The following EVI5 variants were observed in gnomAD, a reference collection of about 807,000 sequenced individuals.
The protein encoded by EVI5 is ecotropic viral integration site 5 protein homolog.
A neutral mutation model predicts 112.0 loss-of-function variants in EVI5; 73 were observed. That is an observed-to-expected ratio of 0.65 (90% CI 0.54 to 0.79). The LOEUF is 0.79. Among genes scored for constraint, EVI5 ranks in the 30% least tolerant of loss-of-function variants. EVI5 has a pLI of 0.00. For missense variants in EVI5, 900 were observed against 968.8 expected (o/e 0.93, Z 0.94); for synonymous variants, 305 against 319.9 (o/e 0.95, Z 0.50).
At chr1:92,740,458 T>C (rs1432065708) in intron 1 of EVI5, among the ~76,000 whole-genome samples, 1 of 152,184 alleles carries the variant, frequency 6.6e-6, no homozygotes, top group East Asian at 1.9e-4. Flanking sequence ...TTCTTTTCTT[T>C]TCTGGTTTCT....
intron 1 of EVI5, among the ~76,000 whole-genome samples, chr1:92,761,262 A>G (rs1681834492): frequency 6.6e-6 from 1 of 152,146 alleles, no homozygotes; most frequent in Admixed American, 6.5e-5. Flanking sequence ...ATTATATCTC[A>G]GGGATCATTA....
intron 1 of EVI5, among the ~76,000 whole-genome samples, chr1:92,739,155 C>A (rs1202494312): frequency 6.6e-6 from 1 of 151,100 alleles, no homozygotes; most frequent in African/African-American, 2.4e-5. Flanking sequence ...CGCCTGTAAT[C>A]CCAGCTACTC....
At chr1:92,752,260 C>T (rs1027777195) in intron 1 of EVI5, among the ~76,000 whole-genome samples, 1 of 151,996 alleles carries the variant, frequency 6.6e-6, no homozygotes, top group Non-Finnish European at 1.5e-5. Context: ...CTACAGCCTC[C>T]GCCTCTTGGG....
chr1:92,700,329 A>C (rs945851678), intron 5 of EVI5, among the ~76,000 whole-genome samples: 6 of 152,340 alleles, frequency 3.9e-5, no homozygotes, highest in South Asian at 2.1e-4. Flanking sequence ...GTATGTACTA[A>C]TTTTGCAAAT....
chr1:92,544,264 T>G (rs958007780), intron 19 of EVI5, among the ~76,000 whole-genome samples: 9 of 152,186 alleles, frequency 5.9e-5, no homozygotes, highest in Non-Finnish European at 1.2e-4. Flanking sequence ...ACTGTGATGA[T>G]AGCTGCATAA....
At chr1:92,755,481 T>C (rs1221090150) in intron 1 of EVI5, among the ~76,000 whole-genome samples, 1 of 152,218 alleles carries the variant, frequency 6.6e-6, no homozygotes, top group African/African-American at 2.4e-5. Flanking sequence ...GAAATTAGTA[T>C]TTTTAAAGAC....
At chr1:92,620,768 C>A (rs1654369835) in intron 16 of EVI5, among the ~76,000 whole-genome samples, 1 of 151,966 alleles carries the variant, frequency 6.6e-6, no homozygotes, top group Non-Finnish European at 1.5e-5. Context: ...AGATAAGATA[C>A]CAGACAGAAA....
At chr1:92,579,030 TTTTGA>T (rs1198601118) in intron 18 of EVI5, among the ~76,000 whole-genome samples, 1 of 152,124 alleles carries the variant, frequency 6.6e-6, no homozygotes, top group Non-Finnish European at 1.5e-5. Context: ...AAAATCAGGA[TTTTGA>T]TTTGAGACAG....
chr1:92,780,730 C>T (rs1464885445), intron 1 of EVI5, among the ~76,000 whole-genome samples: 4 of 151,922 alleles, frequency 2.6e-5, no homozygotes, highest in Non-Finnish European at 4.4e-5. Flanking sequence ...AATCTTGGCC[C>T]GGTGCAGTGG....
intron 2 of EVI5, chr1:92,732,461 G>A: frequency 4.9e-6 from 1 of 202,260 alleles, no homozygotes; most frequent in South Asian, 7.7e-5. Context: ...TGCTGATGGA[G>A]ATATATCACT....
intron 1 of EVI5, among the ~76,000 whole-genome samples, chr1:92,765,740 T>C (rs147029511): frequency 2.6e-4 from 39 of 152,256 alleles, no homozygotes; most frequent in Non-Finnish European, 4.7e-4. Context: ...TTTGCTGTAT[T>C]ACCAAATTAC....
intron 18 of EVI5, chr1:92,580,667 G>A: frequency 5.7e-6 from 1 of 176,492 alleles, no homozygotes; most frequent in Non-Finnish European, 1.3e-5. Context: ...TAACATTGCT[G>A]CATACACCTT....
In EVI5 at chr1:92,629,824, A is replaced by G. The variant is rs564451010; in HGVS notation, c.1528-3890T>C. On this transcript the variant is annotated intron_variant, in intron 14 of 19. Transcript: ENST00000684568. ...AATGCTATCCCTCCACCCTCCCCCCACCCCAAAACAGGCCCCAGGGTGCGA... is the reference window on the plus strand; with the variant it reads ...AATGCTATCCCTCCACCCTCCCCCCGCCCCAAAACAGGCCCCAGGGTGCGA... 6.0e-4 allele frequency among the ~76,000 whole-genome samples: 30 copies of G among 50,252 alleles called. No homozygotes were observed. In the East Asian group the frequency reaches 0.019, roughly 32 times the overall value. 33.0% of individuals were successfully genotyped at this position (50,252 alleles called of 152,430 possible). A position where few individuals can be genotyped will look rare whatever the true frequency, so the allele number is the denominator to read the frequency against.
At chr1:92,657,629 C>T (rs947484222) in intron 13 of EVI5, among the ~76,000 whole-genome samples, 4 of 152,044 alleles carry the variant, frequency 2.6e-5, no homozygotes, top group African/African-American at 9.7e-5. Flanking sequence ...TGCCACTGTA[C>T]TCCAGCCTAG....
intron 2 of EVI5, among the ~76,000 whole-genome samples, chr1:92,710,100 A>AAAAAAAAAAAAAAT (rs1570504301): frequency 6.7e-6 from 1 of 149,954 alleles, no homozygotes; most frequent in South Asian, 2.1e-4. Context: ...AAAAAAAAAA[A>AAAAAAAAAAAAAAT]GGGAGGCCGA....
chr1:92,553,858 T>C (rs1667330471), intron 19 of EVI5, among the ~76,000 whole-genome samples: 1 of 152,256 alleles, frequency 6.6e-6, no homozygotes, highest in Admixed American at 6.5e-5. Flanking sequence ...GAAACATTGG[T>C]GGAAGTTTGC....
chr1:92,599,553 CATATA>C, intron 18 of EVI5, among the ~76,000 whole-genome samples: 1 of 152,006 alleles, frequency 6.6e-6, no homozygotes, highest in Non-Finnish European at 1.5e-5. Flanking sequence ...TAGACATATA[CATATA>C]ATTAAATATT....
At chr1:92,643,915 GA>G (rs999125286) in intron 13 of EVI5, among the ~76,000 whole-genome samples, 12 of 96,388 alleles carry the variant, frequency 1.2e-4, no homozygotes, top group African/African-American at 2.0e-4. Flanking sequence ...GATATTAAAA[GA>G]AAAAAAGAGA....
At chr1:92,782,630 C>G (rs1473578744) in intron 1 of EVI5, among the ~76,000 whole-genome samples, 2 of 152,130 alleles carry the variant, frequency 1.3e-5, no homozygotes, top group African/African-American at 4.8e-5. Context: ...GTGGGGTAAC[C>G]GGAACATTCC....
Sources: allele counts gnomAD v4.1 joint callset (sites outside exome capture counted in the v4.1 genomes callset), GRCh38; gene constraint gnomAD v4.1.1; transcripts MANE v1.5; gene names NCBI Gene and HGNC (gene_info 2026-07-23, HGNC 2026-07-21).